CEACAM6: variants seen among roughly 807,000 people sequenced by gnomAD.
The protein encoded by CEACAM6 is CEA cell adhesion molecule 6, also known as cell adhesion molecule CEACAM6.
A neutral mutation model predicts 32.4 loss-of-function variants in CEACAM6; 21 were observed. The observed-to-expected ratio is 0.65, with a 90% CI of 0.46 to 0.93. The LOEUF is 0.93. Among genes scored for constraint, CEACAM6 ranks in the 40% least tolerant of loss-of-function variants. The pLI is 0.00. For synonymous variants in CEACAM6, 184 were observed against 174.4 expected, an observed-to-expected ratio of 1.06 and a Z score of -0.43; for missense variants, 406 against 432.2, an observed-to-expected ratio of 0.94 and a Z score of 0.54.
Position 41,761,268 on chromosome 19 carries a change from C to T in CEACAM6, c.444C>T (p.Ser148=), listed in dbSNP as rs2072921567. ...GCACAGCGGAGCTGCCCAAGCCCTCCATCTCCAGCAACAACTCCAACCCCG... is the reference window on the plus strand; with the variant it reads ...GCACAGCGGAGCTGCCCAAGCCCTCTATCTCCAGCAACAACTCCAACCCCG... ...FHVYPELPKP[S]ISSNNSNPVE... Residue 148 remains serine, a synonymous_variant, in exon 3 of 6, where the codon TCC becomes TCT. Transcript: ENST00000199764. 5.6e-6 allele frequency: 9 copies of T among 1,614,224 alleles called. No homozygotes were observed. The highest frequency in any genetic ancestry group is 7.6e-6 in the Non-Finnish European group (9 of 1,180,046).
Position 41,755,611 on chromosome 19 carries a change from G to A in CEACAM6, c.-28G>A. The stretch of plus-strand genomic sequence containing the variant: ...CCTGGAGCTCAAGCTCCTCTACAAA[G>A]AGGTGGACAGAGAAGACAGCAGAGA... On this transcript the variant is annotated 5_prime_UTR_variant, in exon 1 of 6. Coordinates refer to ENST00000199764, the MANE Select transcript of CEACAM6 (RefSeq NM_002483.7). 2 of 1,610,854 alleles carry A rather than the reference G, an allele frequency of 1.2e-6. No individual in the cohort carries two copies. The highest frequency in any genetic ancestry group is 1.7e-6 in the Non-Finnish European group (2 of 1,177,592).
In CEACAM6 at chr19:41,761,256, G is replaced by T. The variant is rs781903587; in HGVS notation, c.432G>T (p.Leu144=). The T allele has an allele frequency of 6.2e-7, 1 of 1,614,208 alleles. No homozygotes were observed. Among genetic ancestry groups the T allele is most frequent in the Non-Finnish European group, 8.5e-7 (1 of 1,180,040 alleles). The change falls in exon 3 of 6, where the codon CTG becomes CTT. Residue 144 remains leucine (L), a synonymous_variant. Coordinates refer to ENST00000199764, the MANE Select transcript of CEACAM6 (RefSeq NM_002483.7). ...TCTCTGTTTTCTGCACAGCGGAGCTGCCCAAGCCCTCCATCTCCAGCAACA... is the reference window on the plus strand; with the variant it reads ...TCTCTGTTTTCTGCACAGCGGAGCTTCCCAAGCCCTCCATCTCCAGCAACA... ...ATGQFHVYPE[L]PKPSISSNNS...
At chr19:41,760,222 T>C (rs1474794222) in intron 2 of CEACAM6, among the ~76,000 whole-genome samples, 2 of 152,240 alleles carry the variant, frequency 1.3e-5, no homozygotes, top group Non-Finnish European at 2.9e-5. Flanking sequence ...TCCATGAGTG[T>C]GACTACTCTA....
Position 41,761,352 on chromosome 19 carries a change from C to A in CEACAM6, c.528C>A (p.Tyr176Ter). Reference protein sequence around the residue: ...TCEPEVQNTTYLWWVNGQSLP... With the variant: ...TCEPEVQNTT ...AACCTGAGGTTCAGAACACAACCTACCTGTGGTGGGTAAATGGTCAGAGCC... is the reference window on the plus strand; with the variant it reads ...AACCTGAGGTTCAGAACACAACCTAACTGTGGTGGGTAAATGGTCAGAGCC... The change falls in exon 3 of 6, where the codon TAC (tyrosine) becomes TAA (stop). Residue 176 changes from tyrosine (Y) to a stop codon, truncating the protein, a stop_gained. Coordinates refer to ENST00000199764, the MANE Select transcript of CEACAM6 (RefSeq NM_002483.7). LOFTEE classifies it high-confidence loss of function. 4 of 1,614,232 alleles carry A rather than the reference C, an allele frequency of 2.5e-6. No individual in the cohort carries two copies. Among genetic ancestry groups the A allele is most frequent in the Non-Finnish European group, 3.4e-6 (4 of 1,180,038 alleles).
At chr19:41,763,445 T>A (rs1469718412) in intron 4 of CEACAM6, among the ~76,000 whole-genome samples, 3 of 152,178 alleles carry the variant, frequency 2.0e-5, no homozygotes, top group African/African-American at 7.2e-5. Context: ...AAACAGCACC[T>A]GCATGTTCCA....
chr19:41,758,896 C>A (rs1235977130), intron 2 of CEACAM6, among the ~76,000 whole-genome samples: 1 of 152,188 alleles, frequency 6.6e-6, no homozygotes, highest in Non-Finnish European at 1.5e-5. Context: ...GAGCCAATGT[C>A]CCCAAGTCAA....
rs932181513 is a variant in CEACAM6 at position 41,756,537 on chromosome 19, C to T, written c.65-63C>T. 1.2e-4 allele frequency: 194 copies of T among 1,563,160 alleles called. No individual in the cohort carries two copies. The African/African-American group carries it at 2.4e-3, about 20-fold the overall frequency. ...GAAGAGACCTGCTCAGGACCCAGGG[C>T]CCTGTTTTTCCACCCTAATGCATAG... On this transcript the variant is annotated intron_variant, in intron 1 of 5. Transcript: ENST00000199764.
At chr19:41,763,030 G>C (rs2072936263) in intron 4 of CEACAM6, among the ~76,000 whole-genome samples, 1 of 152,166 alleles carries the variant, frequency 6.6e-6, no homozygotes, top group Non-Finnish European at 1.5e-5. Flanking sequence ...CAGCCATGGG[G>C]ACTCTGCATG....
chr19:41,761,242 T>C lies in CEACAM6; in HGVS notation c.425-7T>C. 6.2e-7 allele frequency: 1 copy of C among 1,614,216 alleles called. No homozygotes were observed. Among genetic ancestry groups the C allele is most frequent in the Non-Finnish European group, 8.5e-7 (1 of 1,180,032 alleles). On this transcript the variant is annotated splice_polypyrimidine_tract_variant and splice_region_variant and intron_variant, in intron 2 of 5. Transcript: ENST00000199764. Reference sequence around the variant, plus strand: ...ACAGGGCAATCTTCTCTCTGTTTTCTGCACAGCGGAGCTGCCCAAGCCCTC... The same window carrying C: ...ACAGGGCAATCTTCTCTCTGTTTTCCGCACAGCGGAGCTGCCCAAGCCCTC...
chr19:41,756,563 G>A (rs539304904), intron 1 of CEACAM6, 37 bp from the exon 2 acceptor site: 1 of 1,595,234 alleles, frequency 6.3e-7, no homozygotes, highest in African/African-American at 1.3e-5. Context: ...TAATGCATAG[G>A]TCCCAATATT....
chr19:41,767,312 G>A (rs572489345), intron 5 of CEACAM6, among the ~76,000 whole-genome samples: 2 of 152,286 alleles, frequency 1.3e-5, no homozygotes, highest in South Asian at 2.1e-4. Context: ...AGACTGTGTA[G>A]TATTAATATG....
At chr19:41,768,551 TC>T (rs1352528482) in intron 5 of CEACAM6, among the ~76,000 whole-genome samples, 9 of 152,186 alleles carry the variant, frequency 5.9e-5, no homozygotes, top group Non-Finnish European at 1.0e-4. Context: ...TCCCCACCTT[TC>T]CCCCTTTTCT....
At position 41,761,399 on chromosome 19, in the gene CEACAM6, A is replaced by T. The variant is rs373480488; in HGVS notation, c.575A>T (p.Gln192Leu). ...GQSLPVSPRL[Q>L]LSNGNMTLTL... Reference sequence around the variant, plus strand: ...AGCCTCCCGGTCAGTCCCAGGCTGCAGCTGTCCAATGGCAACATGACCCTC... The same window carrying T: ...AGCCTCCCGGTCAGTCCCAGGCTGCTGCTGTCCAATGGCAACATGACCCTC... The change falls in exon 3 of 6, where the codon CAG (glutamine) becomes CTG (leucine). Residue 192 changes from glutamine (Q) to leucine (L), a missense_variant. Physicochemically the swap from Gln to Leu is moderately radical, Grantham distance 113. Transcript: ENST00000199764. 3.3e-5 allele frequency: 53 copies of T among 1,614,188 alleles called. 1 individual carries two copies. The African/African-American group carries it at 5.3e-4, about 16-fold the overall frequency.
chr19:41,763,282 C>G (rs2072937550), intron 4 of CEACAM6, among the ~76,000 whole-genome samples: 1 of 152,196 alleles, frequency 6.6e-6, no homozygotes, highest in Non-Finnish European at 1.5e-5. Context: ...CTGTGACCCA[C>G]AGCCTGACCC....
At chr19:41,769,774 G>T (rs1555822787) in intron 5 of CEACAM6, among the ~76,000 whole-genome samples, 4 of 147,914 alleles carry the variant, frequency 2.7e-5, no homozygotes, top group African/African-American at 9.8e-5. Context: ...ACAATTATTT[G>T]ATGATCATTA....
rs1555821078 is a variant in CEACAM6 at position 41,756,618 on chromosome 19, G to A, written c.83G>A (p.Trp28Ter). The part of the protein sequence containing the change: ...VLLTASLLTF[W>*]NPPTTAKLTI... ...CTCCTAGCCTCACTTCTAACCTTCT[G>A]GAACCCACCCACCACTGCCAAGCTC... Residue 28 changes from tryptophan (W) to a stop codon, truncating the protein, a stop_gained, in exon 2 of 6, where the codon TGG becomes TAG. Transcript: ENST00000199764. LOFTEE classifies it high-confidence loss of function. 6.2e-7 allele frequency: 1 copy of A among 1,613,724 alleles called. No homozygotes were observed. The highest frequency in any genetic ancestry group is 1.7e-5 in the Admixed American group (1 of 59,994).
chr19:41,768,815 G>T (rs2072973863), intron 5 of CEACAM6, among the ~76,000 whole-genome samples: 1 of 152,158 alleles, frequency 6.6e-6, no homozygotes, highest in South Asian at 2.1e-4. Flanking sequence ...GGGCAGAGGC[G>T]CCCCTCACCT....
intron 2 of CEACAM6, among the ~76,000 whole-genome samples, chr19:41,760,299 G>A (rs782683967): frequency 1.3e-5 from 2 of 152,168 alleles, no homozygotes; most frequent in Non-Finnish European, 2.9e-5. Flanking sequence ...TTAGCATAAT[G>A]TCCAATGGGA....
At chr19:41,766,557 C>T (rs962289598) in intron 5 of CEACAM6, among the ~76,000 whole-genome samples, 10 of 152,166 alleles carry the variant, frequency 6.6e-5, no homozygotes, top group Non-Finnish European at 1.5e-4. Flanking sequence ...CCTCTTCGTC[C>T]TTTTTCAACA....
Sources: gnomAD v4.1 joint callset for allele counts (sites outside exome capture counted in the v4.1 genomes callset) on GRCh38, gnomAD v4.1.1 for gene constraint, MANE v1.5 for transcripts, NCBI Gene and HGNC (gene_info 2026-07-23, HGNC 2026-07-21) for gene names.